HTT: variants seen among roughly 807,000 people sequenced by gnomAD.
The protein encoded by HTT is huntington disease protein.
In HTT, 104 loss-of-function variants were observed where a neutral mutation model predicts 362.3. The observed-to-expected ratio is 0.29, with a 90% CI of 0.24 to 0.34. The LOEUF (loss-of-function observed/expected upper bound fraction) is 0.34, where lower values mean the gene tolerates loss of function less well. HTT is among the 10% of genes least tolerant of loss of function. The probability of loss-of-function intolerance (pLI) is 1.00; values close to 1 mark genes in which losing one functional copy is unlikely to be tolerated. For synonymous variants in HTT, 1,577 were observed against 1,548.7 expected, an observed-to-expected ratio of 1.02 and a Z score of -0.43; for missense variants, 3,301 against 3,928.6, an observed-to-expected ratio of 0.84 and a Z score of 4.27.
intron 20 of HTT, 87 bp downstream of exon 20, chr4:3,136,054 C>T (rs537895454): frequency 1.7e-5 from 17 of 1,018,650 alleles, no homozygotes; most frequent in South Asian, 6.2e-5. Flanking sequence ...TAAATGCATT[C>T]GTCATGTTTT....
chr4:3,075,647 C>G (rs146359565), intron 1 of HTT, among the ~76,000 whole-genome samples: 28 of 61,666 alleles, frequency 4.5e-4, no homozygotes, highest in Non-Finnish European at 5.6e-4. Context: ...AGTGGCGGGG[C>G]AGGGGGGGGG....
In HTT at chr4:3,206,873, C is replaced by T. The variant is rs1719881187; in HGVS notation, c.5965C>T (p.Leu1989Phe). 6.2e-7 allele frequency: 1 copy of T among 1,613,992 alleles called. No individual in the cohort carries two copies. Among genetic ancestry groups the T allele is most frequent in the African/African-American group, 1.3e-5 (1 of 74,950 alleles). ...GIHLSQSGAV[L>F]TLYVDRLLCT... ...CCATCTCAGCCAGTCGGGAGCTGTG[C>T]TCACGCTGTATGTGGACAGGCTTCT... The change falls in exon 44 of 67, where the codon CTC becomes TTC. Residue 1989 changes from leucine to phenylalanine, a missense_variant. Around this residue, in one of 4 missense-constraint regions of HTT, gnomAD observed 2,316 missense variants for 2,658.5 expected, o/e 0.87. Transcript: ENST00000355072. This position sits in a 1 kb window ranked among gnomAD's most constrained non-coding sequence, Gnocchi z 4.6.
rs764754088 is a variant in HTT, at chr4:3,074,796, G to A, written c.-30G>A. 80 of 1,508,920 alleles carry A rather than the reference G, an allele frequency of 5.3e-5. No homozygotes were observed. In the East Asian group the frequency reaches 2.1e-3, roughly 39 times the overall value. 93.5% of individuals were successfully genotyped at this position (1,508,920 alleles called of 1,614,324 possible). On this transcript the variant is annotated 5_prime_UTR_variant, in exon 1 of 67. Coordinates refer to ENST00000355072, the MANE Select transcript of HTT (RefSeq NM_001388492.1). ...CGCCGCGAGTCGGCCCGAGGCCTCC[G>A]GGGACTGCCGTGCCGGGCGGGAGAC...
intron 38 of HTT, among the ~76,000 whole-genome samples, chr4:3,187,016 G>A (rs779326014): frequency 6.6e-6 from 1 of 151,274 alleles, no homozygotes; most frequent in East Asian, 1.9e-4. Flanking sequence ...CCACCACCAC[G>A]CCCGGCTAAT....
At position 3,086,982 on chromosome 4, in the gene HTT, T is replaced by C; in HGVS notation, c.307T>C (p.Cys103Arg). The stretch of plus-strand genomic sequence containing the variant: ...TACCAAGAAAGACCGTGTGAATCAT[T>C]GTCTGACAATATGTGAAAACATAGT... ...SATKKDRVNH[C>R]LTICENIVAQ... Residue 103 changes from cysteine (C) to arginine (R), a missense_variant, in exon 2 of 67, where the codon TGT becomes CGT. By Grantham distance (180) the Cys-to-Arg change is radical. Transcript: ENST00000355072. The C allele has an allele frequency of 6.2e-7, 1 of 1,608,814 alleles. No homozygotes were observed. The highest frequency in any genetic ancestry group is 8.5e-7 in the Non-Finnish European group (1 of 1,175,314).
chr4:3,166,698 C>T (rs957559346), intron 29 of HTT, among the ~76,000 whole-genome samples: 2 of 152,278 alleles, frequency 1.3e-5, no homozygotes, highest in Non-Finnish European at 2.9e-5. Context: ...TTTCAGAGTG[C>T]TGCGCTAGCA....
At position 3,104,478 on chromosome 4, in the gene HTT, G is replaced by A. The variant is rs374835293; in HGVS notation, c.528+595G>A. ...ACAAAAATTAGCCAAGTGTGGTGGC[G>A]GGCGCCTGTAATCCTGGCTACTCGG... On this transcript the variant is annotated intron_variant, in intron 4 of 66. Transcript: ENST00000355072. Among the ~76,000 whole-genome samples, 15 of 151,942 alleles carry A rather than the reference G, an allele frequency of 9.9e-5. No homozygotes were observed. The South Asian group carries it at 2.3e-3, about 23-fold the overall frequency.
At chr4:3,239,281 G>A (rs986293852) in intron 66 of HTT, among the ~76,000 whole-genome samples, 2 of 152,220 alleles carry the variant, frequency 1.3e-5, no homozygotes, top group African/African-American at 2.4e-5. Context: ...CAGACGTCCC[G>A]CCCACTCGCG....
In HTT at chr4:3,167,038, G is replaced by A. The variant is rs560923349; in HGVS notation, c.3865-5282G>A. On this transcript the variant is annotated intron_variant, in intron 29 of 66. Transcript: ENST00000355072. Reference sequence around the variant, plus strand: ...TTCTGTGTCGATCTCACTGGGAGCTGTAGACTGGAGCTGTTCCTATTCGGC... The same window carrying A: ...TTCTGTGTCGATCTCACTGGGAGCTATAGACTGGAGCTGTTCCTATTCGGC... 2.6e-5 allele frequency among the ~76,000 whole-genome samples: 4 copies of A among 152,346 alleles called. No homozygotes were observed. The East Asian group carries it at 7.7e-4, about 29-fold the overall frequency.
chr4:3,107,432 G>A lies in HTT; in HGVS notation c.747+9G>A, dbSNP rs767947144. On this transcript the variant is annotated intron_variant, in intron 6 of 66. Transcript: ENST00000355072. The stretch of plus-strand genomic sequence containing the variant: ...ATGACAATGAAATTAAGGTATGATT[G>A]TTGCCTCAGGTCACAAACATGCGAG... The A allele has an allele frequency of 6.2e-6, 10 of 1,613,908 alleles. No homozygotes were observed. The highest frequency in any genetic ancestry group is 1.1e-5 in the South Asian group (1 of 91,088).
At chr4:3,209,790 C>T (rs1320765644) in intron 46 of HTT, 37 bp from the exon 47 acceptor site, 2 of 1,610,376 alleles carry the variant, frequency 1.2e-6, no homozygotes, top group Non-Finnish European at 1.7e-6. Flanking sequence ...TTGAACGCCG[C>T]CCATCATGTT....
At chr4:3,207,131 G>C in intron 44 of HTT, 148 bp downstream of exon 44, 1 of 1,034,270 alleles carries the variant, frequency 9.7e-7, no homozygotes, top group Non-Finnish European at 1.4e-6. Flanking sequence ...GCCGTTACTC[G>C]TGTGTCCGAT....
intron 57 of HTT, 142 bp downstream of exon 57, chr4:3,225,885 A>G (rs2110291730): frequency 3.2e-6 from 2 of 633,296 alleles, no homozygotes; most frequent in African/African-American, 3.7e-5. Flanking sequence ...TTTAATGTTC[A>G]TTGTTTTTAT....
chr4:3,085,988 AT>A (rs1713189683), intron 1 of HTT, among the ~76,000 whole-genome samples: 1 of 152,162 alleles, frequency 6.6e-6, no homozygotes, highest in Non-Finnish European at 1.5e-5. Context: ...GCAGTTAGCC[AT>A]TGCTTATATT....
intron 6 of HTT, among the ~76,000 whole-genome samples, chr4:3,111,040 TG>T (rs1437624597): frequency 6.6e-6 from 1 of 152,198 alleles, no homozygotes; most frequent in Non-Finnish European, 1.5e-5. Flanking sequence ...TGTCTCTTGA[TG>T]GGGTCTTGCC....
intron 26 of HTT, among the ~76,000 whole-genome samples, chr4:3,152,104 T>G (rs1187316206): frequency 6.6e-6 from 1 of 151,058 alleles, no homozygotes; most frequent in African/African-American, 2.4e-5. Context: ...TTTTTTGATT[T>G]TTTTTTTTTT....
At chr4:3,142,708 A>T in intron 22 of HTT, 58 bp from the exon 23 acceptor site, 1 of 904,480 alleles carries the variant, frequency 1.1e-6, no homozygotes, top group Non-Finnish European at 1.6e-6. Flanking sequence ...ATGCCATTTG[A>T]TCTTTAAAAA....
At chr4:3,204,272 G>T in intron 42 of HTT, 124 bp downstream of exon 42, 1 of 861,564 alleles carries the variant, frequency 1.2e-6, no homozygotes. Flanking sequence ...AAGCTCCATC[G>T]AAACTAAATC....
intron 57 of HTT, among the ~76,000 whole-genome samples, chr4:3,226,984 C>T (rs1437679936): frequency 6.6e-6 from 1 of 152,240 alleles, no homozygotes; most frequent in Non-Finnish European, 1.5e-5. Flanking sequence ...CAATAGGATG[C>T]ACTGTATTTT....
Sources: allele counts gnomAD v4.1 joint callset (sites outside exome capture counted in the v4.1 genomes callset), GRCh38; gene constraint gnomAD v4.1.1; regional missense constraint gnomAD v4.1.1; non-coding constraint Gnocchi (gnomAD v3.1); transcripts MANE v1.5; gene names NCBI Gene and HGNC (gene_info 2026-07-23, HGNC 2026-07-21).